Variants in CAMK1D observed in about 807,000 individuals in gnomAD.
CAMK1D encodes calcium/calmodulin-dependent protein kinase type 1D.
In CAMK1D, 9 loss-of-function variants were observed where a neutral mutation model predicts 47.7. The observed-to-expected ratio is 0.19, with a 90% CI of 0.11 to 0.33. CAMK1D has a LOEUF of 0.33. CAMK1D is among the 10% of genes least tolerant of loss of function. The pLI is 1.00. For missense variants in CAMK1D, 291 were observed against 488.7 expected (o/e 0.60, Z 3.81); for synonymous variants, 184 against 184.9 (o/e 0.99, Z 0.04).
intron 3 of CAMK1D, among the ~76,000 whole-genome samples, chr10:12,695,849 C>T (rs1184672699): frequency 3.9e-5 from 6 of 151,990 alleles, no homozygotes; most frequent in Non-Finnish European, 7.4e-5. Flanking sequence ...CAGGCCGAGG[C>T]GGGTGGATCA....
intron 1 of CAMK1D, among the ~76,000 whole-genome samples, chr10:12,448,791 G>A (rs374003620): frequency 1.3e-5 from 2 of 152,278 alleles, no homozygotes; most frequent in East Asian, 3.9e-4. Context: ...TCCTCCCGGT[G>A]AAAAACATGA....
intron 1 of CAMK1D, among the ~76,000 whole-genome samples, chr10:12,388,123 AAAG>A (rs1028601650): frequency 6.6e-6 from 1 of 152,150 alleles, no homozygotes; most frequent in Non-Finnish European, 1.5e-5. Context: ...TGCGCTCACC[AAAG>A]AAGACCCTGG....
At chr10:12,571,468 A>G (rs1299427818) in intron 2 of CAMK1D, among the ~76,000 whole-genome samples, 3 of 150,926 alleles carry the variant, frequency 2.0e-5, no homozygotes, top group East Asian at 1.9e-4. Context: ...AAAAAAAAAA[A>G]AAAGAAAAAA....
At position 12,637,742 on chromosome 10, in the gene CAMK1D, G is replaced by A. The variant is rs537077285; in HGVS notation, c.225-28994G>A. Among the ~76,000 whole-genome samples the A allele has an allele frequency of 7.2e-5, 11 of 152,326 alleles. No homozygotes were observed. The South Asian group carries it at 1.5e-3, about 20-fold the overall frequency. ...GTGAGGAATTGGCAGGAGAGCATCC[G>A]TGACTCCTTTAGCCTTTGTGAGGCT... is the stretch of plus-strand genomic sequence containing the variant. On this transcript the variant is annotated intron_variant, in intron 2 of 10. Coordinates refer to ENST00000619168, the MANE Select transcript of CAMK1D (RefSeq NM_153498.4).
At chr10:12,481,595 C>T (rs75287448) in intron 1 of CAMK1D, among the ~76,000 whole-genome samples, 6,517 of 152,100 alleles carry the variant, frequency 0.043, 556 homozygotes, top group East Asian at 0.4. Context: ...CTGCAACCTC[C>T]GCCTCCCAGG....
chr10:12,463,173 T>C (rs1833487750), intron 1 of CAMK1D, among the ~76,000 whole-genome samples: 1 of 151,256 alleles, frequency 6.6e-6, no homozygotes, highest in Non-Finnish European at 1.5e-5. Context: ...TCTTTCTCTG[T>C]CGTTCAGGCA....
At chr10:12,687,533 A>G (rs1349151158) in intron 3 of CAMK1D, among the ~76,000 whole-genome samples, 1 of 152,206 alleles carries the variant, frequency 6.6e-6, no homozygotes, top group African/African-American at 2.4e-5. Context: ...ATTGGCGTCT[A>G]AATTCTAACT....
chr10:12,798,491 C>CT (rs1274698057), intron 6 of CAMK1D, among the ~76,000 whole-genome samples: 5 of 152,172 alleles, frequency 3.3e-5, no homozygotes, highest in African/African-American at 1.2e-4. Flanking sequence ...TAGAACAGAG[C>CT]TGGGACTCTG....
intron 3 of CAMK1D, among the ~76,000 whole-genome samples, chr10:12,695,026 A>G (rs965709912): frequency 9.8e-5 from 6 of 61,208 alleles, no homozygotes; most frequent in South Asian, 6.9e-4. Flanking sequence ...ATCTCTCGAT[A>G]GATAGATAGA....
intron 1 of CAMK1D, among the ~76,000 whole-genome samples, chr10:12,479,519 C>T (rs947580463): frequency 6.6e-6 from 1 of 152,286 alleles, no homozygotes; most frequent in African/African-American, 2.4e-5. Context: ...CTAACAAGTT[C>T]CCCAGCAGTG....
intron 5 of CAMK1D, 78 bp downstream of exon 5, chr10:12,769,877 A>G: frequency 1.3e-6 from 2 of 1,524,072 alleles, no homozygotes; most frequent in African/African-American, 1.4e-5. Flanking sequence ...GTGTCAACTC[A>G]TCAGTTGTGT....
chr10:12,574,497 TAG>T (rs1837431557), intron 2 of CAMK1D, among the ~76,000 whole-genome samples: 18 of 128,742 alleles, frequency 1.4e-4, no homozygotes, highest in African/African-American at 3.4e-4. Context: ...TTTTTTTTTT[TAG>T]TAGAGACGGG....
chr10:12,587,108 G>C (rs1191726342), intron 2 of CAMK1D, among the ~76,000 whole-genome samples: 1 of 152,132 alleles, frequency 6.6e-6, no homozygotes, highest in Non-Finnish European at 1.5e-5. Context: ...TTGGTAAGTT[G>C]GATAGTTGGA....
At chr10:12,607,230 C>T (rs1838489617) in intron 2 of CAMK1D, among the ~76,000 whole-genome samples, 1 of 152,206 alleles carries the variant, frequency 6.6e-6, no homozygotes, top group Admixed American at 6.5e-5. Flanking sequence ...CTTCCGGCCT[C>T]CCTCCCTTTC....
chr10:12,524,194 T>C (rs1007724543), intron 1 of CAMK1D, among the ~76,000 whole-genome samples: 5 of 151,728 alleles, frequency 3.3e-5, no homozygotes, highest in Admixed American at 6.6e-5. Context: ...CTTGATCTCC[T>C]GAGATCGTAA....
intron 2 of CAMK1D, among the ~76,000 whole-genome samples, chr10:12,571,328 A>G (rs2132315311): frequency 6.6e-6 from 1 of 151,898 alleles, no homozygotes; most frequent in South Asian, 2.1e-4. Flanking sequence ...GCGTGCCTGT[A>G]ATCCCAGCTA....
At chr10:12,414,622 C>A (rs1308382948) in intron 1 of CAMK1D, among the ~76,000 whole-genome samples, 1 of 152,148 alleles carries the variant, frequency 6.6e-6, no homozygotes, top group Non-Finnish European at 1.5e-5. Context: ...TTGTAGGCAC[C>A]TTTCTGAAAA....
At chr10:12,441,704 G>C (rs142531526) in intron 1 of CAMK1D, among the ~76,000 whole-genome samples, 2 of 151,984 alleles carry the variant, frequency 1.3e-5, no homozygotes, top group South Asian at 4.1e-4. Flanking sequence ...CCAGCTACTC[G>C]GGAGGCCAAG....
chr10:12,624,485 T>C (rs547753090), intron 2 of CAMK1D, among the ~76,000 whole-genome samples: 2 of 152,336 alleles, frequency 1.3e-5, no homozygotes, highest in South Asian at 4.1e-4. Flanking sequence ...CCTGCGTAAG[T>C]GGAGTCATGC....
Sources: allele counts gnomAD v4.1 joint callset (sites outside exome capture counted in the v4.1 genomes callset), GRCh38; gene constraint gnomAD v4.1.1; transcripts MANE v1.5; gene names NCBI Gene and HGNC (gene_info 2026-07-23, HGNC 2026-07-21).